Variants in GFM1 observed in about 807,000 individuals in gnomAD.
The protein encoded by GFM1 is elongation factor G, mitochondrial.
Under a neutral mutation model 96.2 loss-of-function variants are expected in GFM1, and 62 were observed. The ratio of observed to expected loss-of-function variants is 0.64; its 90% CI spans 0.53 to 0.80. The LOEUF is 0.80. Among genes scored for constraint, GFM1 ranks in the 30% least tolerant of loss-of-function variants. The pLI is 0.00. For missense variants in GFM1, 852 were observed against 916.6 expected (o/e 0.93, Z 0.91); for synonymous variants, 282 against 312.9 (o/e 0.90, Z 1.04).
At chr3:158,680,700 T>A (rs1243737176) in intron 13 of GFM1, among the ~76,000 whole-genome samples, 1 of 152,198 alleles carries the variant, frequency 6.6e-6, no homozygotes, top group Non-Finnish European at 1.5e-5. Flanking sequence ...AAGTAATACC[T>A]ATTTCATGGG....
At chr3:158,649,225 G>T in intron 5 of GFM1, 68 bp downstream of exon 5, 1 of 741,256 alleles carries the variant, frequency 1.3e-6, no homozygotes, top group Non-Finnish European at 2.4e-6. Flanking sequence ...GAAAGGATAA[G>T]TTCATCAAAC....
At chr3:158,658,143 C>T (rs891372169) in intron 8 of GFM1, among the ~76,000 whole-genome samples, 11 of 144,208 alleles carry the variant, frequency 7.6e-5, no homozygotes, top group African/African-American at 2.8e-4. Context: ...TATATTCAAT[C>T]ACTTCACAGA....
chr3:158,661,032 T>A lies in GFM1; in HGVS notation c.1323+57T>A, dbSNP rs990229359. The A allele has an allele frequency of 5.1e-6, 7 of 1,374,036 alleles. No individual in the cohort carries two copies. The Admixed American group carries it at 1.2e-4, about 23-fold the overall frequency. The allele number at this position is 1,374,036 out of a possible 1,614,324, so 85.1% of individuals were successfully genotyped here. A position where few individuals can be genotyped will look rare whatever the true frequency, so the allele number is the denominator to read the frequency against. On this transcript the variant is annotated intron_variant, in intron 10 of 17. Coordinates refer to ENST00000486715, the MANE Select transcript of GFM1 (RefSeq NM_024996.7). ...CTAGAATTTTAAAAGTCTGTGTTTT[T>A]ATGTAGTGCATTTAATACTTCAGAA...
At position 158,646,209 on chromosome 3, in the gene GFM1, A is replaced by G. The variant is rs908378995; in HGVS notation, c.279A>G (p.Glu93=). 1.9e-6 allele frequency: 3 copies of G among 1,613,808 alleles called. No homozygotes were observed. Among genetic ancestry groups the G allele is most frequent in the Non-Finnish European group, 8.5e-7 (1 of 1,179,786 alleles). ...DGVGAVMDSM[E]LERQRGITIQ... ...TTGGTGCTGTCATGGATTCCATGGA[A>G]CTAGAGAGACAAAGAGGAATCACTA... Residue 93 remains glutamate, a synonymous_variant, in exon 3 of 18, where the codon GAA becomes GAG. Coordinates refer to ENST00000486715, the MANE Select transcript of GFM1 (RefSeq NM_024996.7).
chr3:158,666,505 A>G, intron 13 of GFM1, 119 bp downstream of exon 13: 1 of 1,132,510 alleles, frequency 8.8e-7, no homozygotes, highest in Non-Finnish European at 1.3e-6. Context: ...TGTATTATGG[A>G]CTCTATAAAG....
In GFM1 at chr3:158,665,434, T is replaced by C. The variant is rs761494082; in HGVS notation, c.1478T>C (p.Ile493Thr). ...YFDTENKETV[I>T]SGMGELHLEI... ...GACACTGAGAACAAAGAGACAGTTATATCTGGAATGGGAGAATTACACCTG... is the reference window on the plus strand; with the variant it reads ...GACACTGAGAACAAAGAGACAGTTACATCTGGAATGGGAGAATTACACCTG... The change falls in exon 12 of 18, where the codon ATA (isoleucine) becomes ACA (threonine). Residue 493 changes from isoleucine to threonine, a missense_variant. Ile to Thr is a moderately conservative substitution (Grantham distance 89). Transcript: ENST00000486715. 3.7e-6 allele frequency: 6 copies of C among 1,610,742 alleles called. No homozygotes were observed. The highest frequency in any genetic ancestry group is 1.3e-5 in the African/African-American group (1 of 74,860).
At chr3:158,644,787 C>A in intron 1 of GFM1, 72 bp downstream of exon 1, 2 of 1,279,784 alleles carry the variant, frequency 1.6e-6, no homozygotes, top group African/African-American at 1.5e-5. Flanking sequence ...CAATGGAAGG[C>A]CGTGACACCC....
In GFM1 at chr3:158,693,764, A is replaced by G. The variant is rs1726452188; in HGVS notation, c.*2297A>G. The G allele has an allele frequency of 6.6e-6, 1 of 152,210 alleles. No individual in the cohort carries two copies. The highest frequency in any genetic ancestry group is 1.5e-5 in the Non-Finnish European group (1 of 68,032). The allele number at this position is 152,210 out of a possible 1,614,324, so 9.4% of individuals were successfully genotyped here. On this transcript the variant is annotated 3_prime_UTR_variant, in exon 18 of 18. Transcript: ENST00000486715. The stretch of plus-strand genomic sequence containing the variant: ...TGTACTGATTCCCAACCCTCACTGT[A>G]CTTTAAAAATCACTGGGGGAGCCTT...
At chr3:158,661,078 G>T in intron 10 of GFM1, 103 bp downstream of exon 10, 2 of 862,632 alleles carry the variant, frequency 2.3e-6, no homozygotes, top group Non-Finnish European at 3.9e-6. Flanking sequence ...AGAAGTTTTC[G>T]TTGAGTACCA....
rs1726478859 is a variant in GFM1, at chr3:158,694,426, A to G, written c.*2959A>G. 6.6e-6 allele frequency among the ~76,000 whole-genome samples: 1 copy of G among 152,180 alleles called. No homozygotes were observed. The highest frequency in any genetic ancestry group is 2.4e-5 in the African/African-American group (1 of 41,456). ...AGGGGAACAACACACACTGGGGCCT[A>G]TTGGAGGATGGAGGGTGGGTGGAGG... is the stretch of plus-strand genomic sequence containing the variant. On this transcript the variant is annotated 3_prime_UTR_variant, in exon 18 of 18. Transcript: ENST00000486715.
chr3:158,686,721 GTTTTTTTTTT>G (rs67517331), intron 15 of GFM1, among the ~76,000 whole-genome samples: 3 of 85,730 alleles, frequency 3.5e-5, no homozygotes, highest in African/African-American at 1.4e-4. Context: ...TTGAATTGAG[GTTTTTTTTTT>G]TTTTTTTTTT....
In GFM1 at chr3:158,694,337, A is replaced by G. The variant is rs182713178; in HGVS notation, c.*2870A>G. Among the ~76,000 whole-genome samples the G allele has an allele frequency of 6.6e-6, 1 of 152,182 alleles. No individual in the cohort carries two copies. The highest frequency in any genetic ancestry group is 1.5e-5 in the Non-Finnish European group (1 of 68,026). On this transcript the variant is annotated 3_prime_UTR_variant, in exon 18 of 18. Coordinates refer to ENST00000486715, the MANE Select transcript of GFM1 (RefSeq NM_024996.7). The stretch of plus-strand genomic sequence containing the variant: ...CATCAAACTAACATAGGAAAAGAAA[A>G]CCAAATACTGCATGTTCTCACTTAT...
At chr3:158,684,054 G>C (rs1560144395) in intron 14 of GFM1, among the ~76,000 whole-genome samples, 1 of 152,092 alleles carries the variant, frequency 6.6e-6, no homozygotes, top group Non-Finnish European at 1.5e-5. Flanking sequence ...GCAGGGAGGG[G>C]CATGGATGGA....
chr3:158,646,362 C>T, intron 3 of GFM1, 65 bp downstream of exon 3: 8 of 1,540,848 alleles, frequency 5.2e-6, no homozygotes, highest in Non-Finnish European at 7.2e-6. Flanking sequence ...CTTTCTCTTA[C>T]TGTGACCCAA....
intron 8 of GFM1, chr3:158,656,888 T>C (rs994367424): frequency 5.3e-5 from 8 of 152,216 alleles, no homozygotes; most frequent in African/African-American, 1.4e-4. Context: ...CCTTTTTGAA[T>C]ACTTCCTTAC....
intron 13 of GFM1, 137 bp downstream of exon 13, chr3:158,666,523 C>T: frequency 8.6e-7 from 1 of 1,157,530 alleles, no homozygotes; most frequent in Non-Finnish European, 1.3e-6. Flanking sequence ...AAGTTCTATA[C>T]TGTAATCAAG....
At chr3:158,683,339 T>C (rs1238670710) in intron 14 of GFM1, among the ~76,000 whole-genome samples, 3 of 152,230 alleles carry the variant, frequency 2.0e-5, no homozygotes, top group African/African-American at 4.8e-5. Flanking sequence ...AGCCATGTTA[T>C]TGTGTTGCCA....
At position 158,646,798 on chromosome 3, in the gene GFM1, A is replaced by G. The variant is rs994888576; in HGVS notation, c.423A>G (p.Ala141=). 1 of 1,614,208 alleles carries G rather than the reference A, an allele frequency of 6.2e-7. No individual in the cohort carries two copies. Among genetic ancestry groups the G allele is most frequent in the East Asian group, 2.2e-5 (1 of 44,884 alleles). Residue 141 remains alanine, a synonymous_variant, in exon 4 of 18, where the codon GCA becomes GCG. Transcript: ENST00000486715. ...VERALRVLDG[A]VLVLCAVGGV... ...GGGCCCTGAGAGTGTTGGATGGTGC[A>G]GTCCTTGTTCTCTGTGCTGTTGGAG...
At chr3:158,647,209 C>T (rs1005314045) in intron 4 of GFM1, among the ~76,000 whole-genome samples, 1 of 151,922 alleles carries the variant, frequency 6.6e-6, no homozygotes, top group African/African-American at 2.4e-5. Context: ...ACAGTCTGAC[C>T]GTTTATACTG....
Sources: allele counts gnomAD v4.1 joint callset (sites outside exome capture counted in the v4.1 genomes callset), GRCh38; gene constraint gnomAD v4.1.1; transcripts MANE v1.5; gene names NCBI Gene and HGNC (gene_info 2026-07-23, HGNC 2026-07-21).